The following CLDN14 variants were observed in gnomAD, a reference collection of about 807,000 sequenced individuals.
The protein encoded by CLDN14 is claudin-14.
In CLDN14, 2 loss-of-function variants were observed where a neutral mutation model predicts 2.1. The ratio of observed to expected loss-of-function variants is 0.96; its 90% CI spans 0.39 to 3.01. The LOEUF (loss-of-function observed/expected upper bound fraction) is 3.01, where lower values mean the gene tolerates loss of function less well. CLDN14 is among the 30% of genes most tolerant of loss of function. The pLI is 0.09. For missense variants in CLDN14, 298 were observed against 328.0 expected, an observed-to-expected ratio of 0.91 and a Z score of 0.71; for synonymous variants, 136 against 154.4, an observed-to-expected ratio of 0.88 and a Z score of 0.88.
At chr21:36,505,666 T>C (rs1026224391) in intron 2 of CLDN14, among the ~76,000 whole-genome samples, 3 of 152,188 alleles carry the variant, frequency 2.0e-5, no homozygotes, top group African/African-American at 4.8e-5. Context: ...ACAATCAGCC[T>C]AGCACTGACT....
chr21:36,462,581 T>C (rs543002246), intron 1 of CLDN14, among the ~76,000 whole-genome samples: 73 of 152,134 alleles, frequency 4.8e-4, no homozygotes, highest in African/African-American at 1.6e-3. Flanking sequence ...CATACCAAAA[T>C]CCAGGATACT....
At chr21:36,489,131 A>AAAAAAAAAAATATATAT in intron 2 of CLDN14, among the ~76,000 whole-genome samples, 5 of 62,746 alleles carry the variant, frequency 8.0e-5, no homozygotes, top group Admixed American at 2.7e-4. Flanking sequence ...AAAAAAAAAA[A>AAAAAAAAAAATATATAT]ATATATATAT....
intron 2 of CLDN14, chr21:36,486,663 C>G: frequency 7.0e-7 from 1 of 1,425,818 alleles, no homozygotes; most frequent in African/African-American, 1.4e-5. Flanking sequence ...CTGTTCACCT[C>G]CTCTTCCCCC....
intron 1 of CLDN14, among the ~76,000 whole-genome samples, chr21:36,549,276 A>ACT (rs1555854100): frequency 4.7e-4 from 66 of 139,616 alleles, no homozygotes; most frequent in Admixed American, 1.2e-3. Flanking sequence ...TTACACACAC[A>ACT]CTCTCTCTCT....
chr21:36,573,376 G>A (rs2087722531), intron 1 of CLDN14, among the ~76,000 whole-genome samples: 1 of 151,512 alleles, frequency 6.6e-6, no homozygotes, highest in South Asian at 2.1e-4. Context: ...AACTCAAAAA[G>A]TATATAGAAA....
At chr21:36,481,631 T>C (rs2086845671), upstream of CLDN14, among the ~76,000 whole-genome samples, 1 of 152,216 alleles carries the variant, frequency 6.6e-6, no homozygotes, top group African/African-American at 2.4e-5. Context: ...GACGTAACGT[T>C]CTGTTTTGTA....
intron 1 of CLDN14, among the ~76,000 whole-genome samples, chr21:36,474,288 T>C (rs1199175869): frequency 6.6e-6 from 1 of 152,216 alleles, no homozygotes; most frequent in Non-Finnish European, 1.5e-5. Context: ...TGCCTGTGCC[T>C]TAATCAGCAA....
chr21:36,460,645 G>C lies in CLDN14; in HGVS notation c.*331C>G, dbSNP rs1391390214. On this transcript the variant is annotated 3_prime_UTR_variant, in exon 2 of 2. Coordinates refer to ENST00000399135, the MANE Select transcript of CLDN14 (RefSeq NM_001146079.2). This position sits in a 1 kb window ranked among gnomAD's most constrained non-coding sequence, Gnocchi z 4.0. ...ATTTCATAAACAGCCACATCCGCAA[G>C]GTTTATTCCTGGATCACAAACCAAC... 1 of 285,704 alleles carries C rather than the reference G, an allele frequency of 3.5e-6. No individual in the cohort carries two copies. Among genetic ancestry groups the C allele is most frequent in the Non-Finnish European group, 6.7e-6 (1 of 148,246 alleles). 17.7% of individuals were successfully genotyped at this position (285,704 alleles called of 1,614,324 possible).
At chr21:36,545,994 C>T (rs980636610) in intron 1 of CLDN14, among the ~76,000 whole-genome samples, 1 of 152,186 alleles carries the variant, frequency 6.6e-6, no homozygotes, top group African/African-American at 2.4e-5. Context: ...CTCAATGGGT[C>T]CTCCCGCCCA....
chr21:36,462,415 G>A (rs559334652), intron 1 of CLDN14, among the ~76,000 whole-genome samples: 2 of 152,206 alleles, frequency 1.3e-5, no homozygotes, highest in South Asian at 2.1e-4. Context: ...TCTCCAGCAC[G>A]GACCTCCGCT....
At chr21:36,487,339 G>T in intron 2 of CLDN14, 1 of 229,458 alleles carries the variant, frequency 4.4e-6, no homozygotes, top group East Asian at 1.2e-4. Context: ...GCCTGCAGCT[G>T]GGTGGGGAAG....
intron 1 of CLDN14, among the ~76,000 whole-genome samples, chr21:36,470,074 AC>A (rs2086692148): frequency 6.6e-6 from 1 of 152,132 alleles, no homozygotes; most frequent in Non-Finnish European, 1.5e-5. Context: ...ACCCCAAAAA[AC>A]CCAGGTGGAC....
chr21:36,514,622 A>AGTGT (rs34558148), intron 1 of CLDN14, among the ~76,000 whole-genome samples: 1,458 of 33,638 alleles, frequency 0.043, 21 homozygotes, highest in African/African-American at 0.084. Context: ...CGTGAGAGAA[A>AGTGT]GTGTGTGTGT....
intron 1 of CLDN14, among the ~76,000 whole-genome samples, chr21:36,528,840 C>A (rs909200124): frequency 6.6e-6 from 1 of 152,190 alleles, no homozygotes; most frequent in Non-Finnish European, 1.5e-5. Context: ...CTCCTCCTCT[C>A]CCCCTTCTCC....
chr21:36,509,214 T>C (rs2087162225), intron 2 of CLDN14, among the ~76,000 whole-genome samples: 1 of 152,226 alleles, frequency 6.6e-6, no homozygotes, highest in South Asian at 2.1e-4. Flanking sequence ...CAGGTGGAGA[T>C]GGCTGCCCAC....
At chr21:36,497,571 C>A (rs371385818) in intron 2 of CLDN14, among the ~76,000 whole-genome samples, 1 of 152,026 alleles carries the variant, frequency 6.6e-6, no homozygotes, top group East Asian at 1.9e-4. Flanking sequence ...AGGCCCCAAA[C>A]GAGCTGAGAA....
At chr21:36,533,124 A>G (rs1243625705) in intron 1 of CLDN14, among the ~76,000 whole-genome samples, 1 of 152,218 alleles carries the variant, frequency 6.6e-6, no homozygotes, top group African/African-American at 2.4e-5. Flanking sequence ...CAGAAAACAC[A>G]TTCGGTGGGG....
At chr21:36,563,875 C>T (rs941633542) in intron 1 of CLDN14, among the ~76,000 whole-genome samples, 3 of 152,188 alleles carry the variant, frequency 2.0e-5, no homozygotes, top group African/African-American at 7.2e-5. Flanking sequence ...CTCCCTCTCC[C>T]CCAGGCGCCA....
In CLDN14 at chr21:36,568,429, G is replaced by A. The variant is rs186957948; in HGVS notation, c.-220+7982C>T. 1.0e-3 allele frequency among the ~76,000 whole-genome samples: 156 copies of A among 152,358 alleles called. 1 individual carries two copies. The highest frequency in any genetic ancestry group is 1.0e-3 in the South Asian group (5 of 4,830). Reference sequence around the variant, plus strand: ...CAGCTAGGAAAAAAATGCCACCAGTGCGGCATCTTCTATGGGCAGTCTTTG... The same window carrying A: ...CAGCTAGGAAAAAAATGCCACCAGTACGGCATCTTCTATGGGCAGTCTTTG... On this transcript the variant is annotated intron_variant, in intron 1 of 2. Transcript: ENST00000342108.
Sources: gnomAD v4.1 joint callset for allele counts (sites outside exome capture counted in the v4.1 genomes callset) on GRCh38, gnomAD v4.1.1 for gene constraint, Gnocchi (gnomAD v3.1) non-coding constraint, MANE v1.5 for transcripts, NCBI Gene and HGNC (gene_info 2026-07-23, HGNC 2026-07-21) for gene names.